Variants in DAB1 observed in about 807,000 individuals in gnomAD.
DAB1 encodes the protein DAB adaptor protein 1, also known as disabled homolog 1.
A neutral mutation model predicts 64.6 loss-of-function variants in DAB1; 15 were observed. The ratio of observed to expected loss-of-function variants is 0.23; its 90% CI spans 0.16 to 0.36. DAB1 has a LOEUF of 0.36. Among genes scored for constraint, DAB1 ranks in the 10% least tolerant of loss-of-function variants. DAB1 has a pLI of 1.00. For missense variants in DAB1, 596 were observed against 706.7 expected, an observed-to-expected ratio of 0.84 and a Z score of 1.78; for synonymous variants, 235 against 251.9, an observed-to-expected ratio of 0.93 and a Z score of 0.64.
At chr1:57,946,175 T>G (rs114558563) in intron 5 of DAB1, among the ~76,000 whole-genome samples, 2,635 of 152,244 alleles carry the variant, frequency 0.017, 28 homozygotes, top group Non-Finnish European at 0.026. Context: ...AGCATGGAGA[T>G]TCCTTGAGGC....
intron 4 of DAB1, among the ~76,000 whole-genome samples, chr1:58,328,986 T>C (rs556022455): frequency 3.8e-4 from 58 of 152,360 alleles, no homozygotes; most frequent in African/African-American, 1.4e-3. Flanking sequence ...TTGTGTAAGC[T>C]CTTGTCATTG....
At chr1:57,102,941 C>T (rs1654812966) in intron 4 of DAB1, among the ~76,000 whole-genome samples, 1 of 152,062 alleles carries the variant, frequency 6.6e-6, no homozygotes, top group Non-Finnish European at 1.5e-5. Context: ...GTGACCAAGA[C>T]AAGGAGTAAA....
chr1:57,555,016 G>C (rs1287021622), intron 7 of DAB1, among the ~76,000 whole-genome samples: 1 of 144,774 alleles, frequency 6.9e-6, no homozygotes, highest in African/African-American at 2.5e-5. Context: ...CTCAATCTTC[G>C]GTATCTCTAT....
At chr1:58,242,603 T>C (rs1187297400) in intron 4 of DAB1, among the ~76,000 whole-genome samples, 1 of 152,162 alleles carries the variant, frequency 6.6e-6, no homozygotes, top group South Asian at 2.1e-4. Flanking sequence ...CATTTTATAC[T>C]TTTTCATTTT....
chr1:57,070,854 T>A, intron 7 of DAB1, 169 bp downstream of exon 7: 1 of 673,344 alleles, frequency 1.5e-6, no homozygotes, highest in Non-Finnish European at 2.7e-6. Flanking sequence ...TTCTGTTAGT[T>A]TTTATGGAAA....
chr1:57,037,504 G>C (rs888313735), intron 9 of DAB1, among the ~76,000 whole-genome samples: 25 of 152,114 alleles, frequency 1.6e-4, no homozygotes, highest in African/African-American at 5.8e-4. Flanking sequence ...AACACAAAAC[G>C]AAACAAAAAT....
chr1:58,069,696 T>C (rs942052314), intron 5 of DAB1, among the ~76,000 whole-genome samples: 1 of 152,186 alleles, frequency 6.6e-6, no homozygotes, highest in Non-Finnish European at 1.5e-5. Context: ...TGAAATGATA[T>C]CTTATGTAAT....
intron 1 of DAB1, among the ~76,000 whole-genome samples, chr1:57,854,562 A>G (rs1653672767): frequency 6.6e-6 from 1 of 152,210 alleles, no homozygotes; most frequent in Non-Finnish European, 1.5e-5. Flanking sequence ...CAATTTGTCC[A>G]AGATCATGAA....
chr1:58,104,460 A>G (rs1651514023), intron 5 of DAB1, among the ~76,000 whole-genome samples: 1 of 152,202 alleles, frequency 6.6e-6, no homozygotes, highest in African/African-American at 2.4e-5. Flanking sequence ...TCCAGAAAAT[A>G]TAGTAATCAA....
intron 4 of DAB1, among the ~76,000 whole-genome samples, chr1:58,287,356 C>T (rs1446184821): frequency 6.6e-6 from 1 of 152,122 alleles, no homozygotes; most frequent in East Asian, 1.9e-4. Flanking sequence ...TTTAAAACAA[C>T]TTTTCGATTA....
At chr1:57,072,498 G>T (rs773895860) in intron 4 of DAB1, 84 bp from the exon 5 acceptor site, 2 of 1,478,148 alleles carry the variant, frequency 1.4e-6, no homozygotes, top group East Asian at 2.3e-5. Context: ...TTTCAGCTAC[G>T]TGTGAACAGG....
At chr1:57,570,650 T>C (rs1165330036) in intron 7 of DAB1, among the ~76,000 whole-genome samples, 1 of 152,178 alleles carries the variant, frequency 6.6e-6, no homozygotes, top group East Asian at 1.9e-4. Flanking sequence ...TTGTTTTGGC[T>C]ATACAGGCTC....
chr1:57,027,717 A>G (rs1236477294), intron 9 of DAB1, among the ~76,000 whole-genome samples: 2 of 152,208 alleles, frequency 1.3e-5, no homozygotes, highest in Non-Finnish European at 2.9e-5. Flanking sequence ...ACTGGTTGAA[A>G]GAGCACAAAA....
chr1:58,059,860 G>A (rs1317148921), intron 5 of DAB1, among the ~76,000 whole-genome samples: 1 of 152,208 alleles, frequency 6.6e-6, no homozygotes, highest in East Asian at 1.9e-4. Context: ...GCAGAGAAAG[G>A]ATGCACCAAC....
chr1:57,072,217 C>T (rs566336109), intron 5 of DAB1, 66 bp downstream of exon 5: 305 of 1,577,938 alleles, frequency 1.9e-4, no homozygotes, highest in Non-Finnish European at 2.4e-4. Context: ...CAAAGACCAA[C>T]GGAGTCACTG....
At chr1:58,177,098 T>C (rs1557683361) in intron 4 of DAB1, among the ~76,000 whole-genome samples, 1 of 152,178 alleles carries the variant, frequency 6.6e-6, no homozygotes, top group Non-Finnish European at 1.5e-5. Context: ...TTATTAATTG[T>C]ATTTTACAGA....
intron 2 of DAB1, among the ~76,000 whole-genome samples, chr1:57,244,367 C>A (rs1290139686): frequency 6.6e-6 from 1 of 152,004 alleles, no homozygotes; most frequent in Admixed American, 6.6e-5. Context: ...AATAAATGAA[C>A]AAAGGAACAA....
At chr1:57,375,236 G>A (rs1350457081) in intron 1 of DAB1, among the ~76,000 whole-genome samples, 3 of 152,154 alleles carry the variant, frequency 2.0e-5, no homozygotes, top group African/African-American at 7.2e-5. Context: ...CATTGAAAAT[G>A]AGTTCTTAGT....
intron 5 of DAB1, among the ~76,000 whole-genome samples, chr1:57,923,200 G>C (rs1644834641): frequency 6.6e-6 from 1 of 152,086 alleles, no homozygotes; most frequent in Admixed American, 6.6e-5. Flanking sequence ...GTATAAAAGA[G>C]CTCAACCAGG....
Sources: gnomAD v4.1 joint callset for allele counts (sites outside exome capture counted in the v4.1 genomes callset) on GRCh38, gnomAD v4.1.1 for gene constraint, MANE v1.5 for transcripts, NCBI Gene and HGNC (gene_info 2026-07-23, HGNC 2026-07-21) for gene names.